FAM219A: variants seen among roughly 807,000 people sequenced by gnomAD.
FAM219A encodes protein FAM219A.
Under a neutral mutation model 23.4 loss-of-function variants are expected in FAM219A, and 7 were observed. The observed-to-expected ratio is 0.30, with a 90% CI of 0.17 to 0.56. FAM219A has a LOEUF of 0.56. FAM219A is among the 20% of genes least tolerant of loss of function. FAM219A has a pLI of 0.92. For synonymous variants in FAM219A, 93 were observed against 99.0 expected (o/e 0.94, Z 0.36); for missense variants, 166 against 246.9 (o/e 0.67, Z 2.20).
At chr9:34,423,080 G>T (rs1220676687) in intron 1 of FAM219A, among the ~76,000 whole-genome samples, 1 of 152,088 alleles carries the variant, frequency 6.6e-6, no homozygotes, top group African/African-American at 2.4e-5. Flanking sequence ...GAGGTGGGAG[G>T]ATCACTTGAG....
intron 2 of FAM219A, among the ~76,000 whole-genome samples, chr9:34,405,266 G>A (rs1017317004): frequency 2.0e-5 from 3 of 152,190 alleles, no homozygotes; most frequent in East Asian, 1.9e-4. Context: ...GGCCAGAAGC[G>A]AGGGGACTTC....
rs540952837 is a variant in FAM219A, at chr9:34,424,575, A to G, written c.61-18611T>C. Among the ~76,000 whole-genome samples the G allele has an allele frequency of 4.6e-5, 7 of 152,314 alleles. No individual in the cohort carries two copies. The South Asian group carries it at 1.5e-3, about 32-fold the overall frequency. ...GAGTCCCCTGACTTAGTTTTGGCCT[A>G]TCGTCCCCAGGCTATGGCAAAAAGC... On this transcript the variant is annotated intron_variant, in intron 1 of 5. Coordinates refer to ENST00000651358, the MANE Select transcript of FAM219A (RefSeq NM_001184940.2).
intron 1 of FAM219A, among the ~76,000 whole-genome samples, chr9:34,446,272 C>A (rs1456715200): frequency 6.6e-6 from 1 of 151,948 alleles, no homozygotes; most frequent in African/African-American, 2.4e-5. Context: ...GGCCACAGGA[C>A]AGGTAAATGG....
At chr9:34,409,979 C>T (rs62559871) in intron 1 of FAM219A, among the ~76,000 whole-genome samples, 19,871 of 152,202 alleles carry the variant, frequency 0.13, 1,320 homozygotes, top group South Asian at 0.15. Context: ...TACCTATCAA[C>T]AGCTTCAACA....
intron 1 of FAM219A, among the ~76,000 whole-genome samples, chr9:34,414,375 T>C (rs1821926219): frequency 6.6e-6 from 1 of 152,244 alleles, no homozygotes; most frequent in African/African-American, 2.4e-5. Context: ...CTCCAGGCAC[T>C]GCCTGCAGAG....
intron 1 of FAM219A, among the ~76,000 whole-genome samples, chr9:34,421,339 C>T (rs554351366): frequency 6.6e-6 from 1 of 152,096 alleles, no homozygotes; most frequent in Non-Finnish European, 1.5e-5. Context: ...AACACCAACT[C>T]AGGGTGTGTT....
Position 34,399,680 on chromosome 9 carries a change from A to G in FAM219A, c.*1284T>C, listed in dbSNP as rs1050894201. 1 of 152,214 alleles carries G rather than the reference A, an allele frequency of 6.6e-6. No homozygotes were observed. The highest frequency in any genetic ancestry group is 2.4e-5 in the African/African-American group (1 of 41,430). The allele number at this position is 152,214 out of a possible 1,614,324, so 9.4% of individuals were successfully genotyped here. On this transcript the variant is annotated 3_prime_UTR_variant, in exon 6 of 6. Coordinates refer to ENST00000651358, the MANE Select transcript of FAM219A (RefSeq NM_001184940.2). ...ATGAAGAAACTCTTTCAGGTATAAA[A>G]GGATCTTCAACATAATTTCAGCTGC...
intron 1 of FAM219A, among the ~76,000 whole-genome samples, chr9:34,431,883 T>C (rs540840212): frequency 6.6e-6 from 1 of 152,242 alleles, no homozygotes. Context: ...TATGTGCATG[T>C]GCATATGTGC....
At chr9:34,432,586 A>G (rs1349874091) in intron 1 of FAM219A, among the ~76,000 whole-genome samples, 1 of 152,040 alleles carries the variant, frequency 6.6e-6, no homozygotes, top group Non-Finnish European at 1.5e-5. Context: ...TTCTCTTTCC[A>G]CATGTTCTCT....
At position 34,458,461 on chromosome 9, in the gene FAM219A, G is replaced by A; in HGVS notation, c.-198C>T. The A allele has an allele frequency of 2.8e-6, 1 of 362,760 alleles. No individual in the cohort carries two copies. Among genetic ancestry groups the A allele is most frequent in the East Asian group, 5.1e-5 (1 of 19,796 alleles). The allele number at this position is 362,760 out of a possible 1,614,324, so 22.5% of individuals were successfully genotyped here. A position where few individuals can be genotyped will look rare whatever the true frequency, so the allele number is the denominator to read the frequency against. The stretch of plus-strand genomic sequence containing the variant: ...GACTGGCTGAGGCCGGCGTGACTCC[G>A]TGGGCTTGCCTAGCACTACCGCGGC... On this transcript the variant is annotated 5_prime_UTR_variant, in exon 1 of 6. In the 5' UTR this introduces an upstream ATG that the reference lacks. Transcript: ENST00000651358. The surrounding 1 kb of genome is among the most constrained non-coding windows in gnomAD (Gnocchi z 6.6).
intron 1 of FAM219A, among the ~76,000 whole-genome samples, chr9:34,406,803 C>CTTT (rs34985382): frequency 7.8e-6 from 1 of 127,528 alleles, no homozygotes; most frequent in African/African-American, 2.9e-5. Context: ...TGTCCAGAGT[C>CTTT]TTTTTTTTTT....
chr9:34,434,114 A>C (rs952645800), intron 1 of FAM219A, among the ~76,000 whole-genome samples: 1 of 148,668 alleles, frequency 6.7e-6, no homozygotes, highest in Non-Finnish European at 1.5e-5. Flanking sequence ...AGGCAGGAGA[A>C]TGGCGTGAAC....
At chr9:34,448,594 G>A (rs1823449037) in intron 1 of FAM219A, among the ~76,000 whole-genome samples, 1 of 152,208 alleles carries the variant, frequency 6.6e-6, no homozygotes, top group South Asian at 2.1e-4. Context: ...AACATTTATT[G>A]ATACTGCAGA....
At chr9:34,438,164 G>C (rs920301123) in intron 1 of FAM219A, among the ~76,000 whole-genome samples, 2 of 152,222 alleles carry the variant, frequency 1.3e-5, no homozygotes, top group Admixed American at 6.5e-5. Context: ...CCTTCCTGCG[G>C]GGCAGGGCTC....
intron 1 of FAM219A, among the ~76,000 whole-genome samples, chr9:34,430,846 T>TAACAACAACAAC (rs56402341): frequency 0.19 from 29,081 of 150,266 alleles, 3,178 homozygotes; most frequent in African/African-American, 0.29. Context: ...TGTCTCCAAA[T>TAACAACAACAAC]AACAACAACA....
chr9:34,427,339 T>G (rs995702710), intron 1 of FAM219A, among the ~76,000 whole-genome samples: 2 of 152,022 alleles, frequency 1.3e-5, no homozygotes, highest in Non-Finnish European at 2.9e-5. Context: ...ACCTGGCTAA[T>G]TTTTGTATAC....
At chr9:34,426,950 CT>C (rs879412912) in intron 1 of FAM219A, among the ~76,000 whole-genome samples, 155 of 145,556 alleles carry the variant, frequency 1.1e-3, no homozygotes, top group Admixed American at 1.8e-3. Context: ...TCAACCAGCA[CT>C]TTTTTTTTTT....
At chr9:34,404,568 C>T (rs560209686) in intron 2 of FAM219A, among the ~76,000 whole-genome samples, 3 of 152,170 alleles carry the variant, frequency 2.0e-5, no homozygotes, top group East Asian at 1.9e-4. Context: ...ATTAGCTGGG[C>T]GTGGTGATGC....
In FAM219A at chr9:34,447,691, C is replaced by G. The variant is rs374721918; in HGVS notation, c.60+10513G>C. Among the ~76,000 whole-genome samples, 11 of 152,232 alleles carry G rather than the reference C, an allele frequency of 7.2e-5. No individual in the cohort carries two copies. The East Asian group carries it at 1.9e-3, about 27-fold the overall frequency. Reference sequence around the variant, plus strand: ...TAATTTCATATTAAGTGTGGCCAACCACTCATATGAAATTCATGAGATCTT... The same window carrying G: ...TAATTTCATATTAAGTGTGGCCAACGACTCATATGAAATTCATGAGATCTT... On this transcript the variant is annotated intron_variant, in intron 1 of 5. Transcript: ENST00000651358.
Sources: gnomAD v4.1 joint callset for allele counts (sites outside exome capture counted in the v4.1 genomes callset) on GRCh38, gnomAD v4.1.1 for gene constraint, Gnocchi (gnomAD v3.1) non-coding constraint, MANE v1.5 for transcripts, NCBI Gene and HGNC (gene_info 2026-07-23, HGNC 2026-07-21) for gene names.